The following DOK5 variants were observed in gnomAD, a reference collection of about 807,000 sequenced individuals.
The protein encoded by DOK5 is downstream of tyrosine kinase 5.
Under a neutral mutation model 43.3 loss-of-function variants are expected in DOK5, and 27 were observed. That is an observed-to-expected ratio of 0.62 (90% CI 0.46 to 0.86). DOK5 has a LOEUF of 0.86. DOK5 is among the 40% of genes least tolerant of loss of function. DOK5 has a pLI of 0.00. For missense variants in DOK5, 373 were observed against 392.9 expected (o/e 0.95, Z 0.43); for synonymous variants, 146 against 140.1 (o/e 1.04, Z -0.30).
chr20:54,519,279 A>T (rs1983310732), intron 1 of DOK5, among the ~76,000 whole-genome samples: 1 of 152,220 alleles, frequency 6.6e-6, no homozygotes, highest in African/African-American at 2.4e-5. Flanking sequence ...ATTCAGGTGT[A>T]ATAAAGATTA....
intron 1 of DOK5, among the ~76,000 whole-genome samples, chr20:54,538,139 A>G (rs1984020731): frequency 6.6e-6 from 1 of 151,852 alleles, no homozygotes; most frequent in African/African-American, 2.4e-5. Flanking sequence ...ACTTGGCCAC[A>G]ACAAGAAGTT....
intron 7 of DOK5, among the ~76,000 whole-genome samples, chr20:54,649,818 G>T (rs1171129780): frequency 2.6e-5 from 4 of 152,172 alleles, no homozygotes; most frequent in Non-Finnish European, 4.4e-5. Flanking sequence ...CTCAGTAGTC[G>T]CAATGAGACC....
chr20:54,536,402 G>A (rs1349604304), intron 1 of DOK5, among the ~76,000 whole-genome samples: 3 of 152,314 alleles, frequency 2.0e-5, no homozygotes, highest in East Asian at 3.9e-4. Context: ...GCTTATAAAA[G>A]TATTTACAGG....
intron 5 of DOK5, among the ~76,000 whole-genome samples, chr20:54,592,695 C>T (rs1986014232): frequency 6.6e-6 from 1 of 151,968 alleles, no homozygotes; most frequent in Non-Finnish European, 1.5e-5. Flanking sequence ...TGCCCGCCAC[C>T]ACGCCTCGCT....
intron 4 of DOK5, among the ~76,000 whole-genome samples, chr20:54,590,490 C>CAA (rs1198596431): frequency 6.6e-6 from 1 of 151,470 alleles, no homozygotes; most frequent in African/African-American, 2.4e-5. Context: ...TTAATATAGA[C>CAA]AGTCTTTCTT....
At chr20:54,501,513 A>G (rs1001992886) in intron 1 of DOK5, among the ~76,000 whole-genome samples, 5 of 150,890 alleles carry the variant, frequency 3.3e-5, no homozygotes, top group African/African-American at 4.9e-5. Flanking sequence ...AAAAAGAAAA[A>G]ATAAATCTGG....
intron 1 of DOK5, among the ~76,000 whole-genome samples, chr20:54,530,499 C>T (rs1203824310): frequency 1.3e-5 from 2 of 152,140 alleles, no homozygotes; most frequent in South Asian, 2.1e-4. Context: ...AGGGCTGCTA[C>T]CTGTTTGATT....
At chr20:54,569,845 T>C (rs1985226442) in intron 2 of DOK5, among the ~76,000 whole-genome samples, 1 of 152,258 alleles carries the variant, frequency 6.6e-6, no homozygotes. Flanking sequence ...CGCTAGTCCC[T>C]ATTTTAAGTG....
chr20:54,578,574 G>A (rs983823854), intron 2 of DOK5, among the ~76,000 whole-genome samples: 3 of 152,016 alleles, frequency 2.0e-5, no homozygotes, highest in Non-Finnish European at 4.4e-5. Flanking sequence ...TCGTGTGCAA[G>A]GATATCTAAA....
At chr20:54,532,691 C>T (rs955982397) in intron 1 of DOK5, among the ~76,000 whole-genome samples, 3 of 152,190 alleles carry the variant, frequency 2.0e-5, no homozygotes, top group East Asian at 1.9e-4. Flanking sequence ...TGATCTTCAC[C>T]GTGTCACTTT....
chr20:54,526,685 T>A (rs1983586478), intron 1 of DOK5, among the ~76,000 whole-genome samples: 1 of 152,230 alleles, frequency 6.6e-6, no homozygotes. Flanking sequence ...TGTGTGTTTT[T>A]TTCAGAAATA....
At chr20:54,603,556 T>C (rs1986364989) in intron 5 of DOK5, among the ~76,000 whole-genome samples, 2 of 152,210 alleles carry the variant, frequency 1.3e-5, no homozygotes, top group African/African-American at 4.8e-5. Flanking sequence ...TCTATTTCAA[T>C]GATTTTCAAC....
At chr20:54,574,098 C>A (rs1189039367) in intron 2 of DOK5, among the ~76,000 whole-genome samples, 1 of 152,134 alleles carries the variant, frequency 6.6e-6, no homozygotes, top group East Asian at 1.9e-4. Flanking sequence ...GAAAGGCGAG[C>A]CGGACCGCCT....
intron 6 of DOK5, among the ~76,000 whole-genome samples, chr20:54,640,921 C>T (rs6023441): frequency 0.81 from 123,355 of 152,152 alleles, 50,218 homozygotes; most frequent in East Asian, 1. Context: ...GTAAATCGTT[C>T]TGGATTTTTT....
intron 1 of DOK5, among the ~76,000 whole-genome samples, chr20:54,546,496 C>T (rs1360273865): frequency 2.0e-5 from 3 of 151,746 alleles, no homozygotes; most frequent in Non-Finnish European, 4.4e-5. Context: ...TGTGCTGCAC[C>T]CATTAACTCG....
At chr20:54,586,705 G>C (rs990553486) in intron 2 of DOK5, among the ~76,000 whole-genome samples, 9 of 152,276 alleles carry the variant, frequency 5.9e-5, no homozygotes, top group African/African-American at 2.2e-4. Context: ...GTGTCCAGTG[G>C]GGCCTCTGTG....
At chr20:54,602,343 G>C (rs1411878408) in intron 5 of DOK5, among the ~76,000 whole-genome samples, 1 of 152,118 alleles carries the variant, frequency 6.6e-6, no homozygotes, top group Non-Finnish European at 1.5e-5. Flanking sequence ...TCATGGGAGG[G>C]AGCTGGGATT....
In DOK5 at chr20:54,588,773, T is replaced by G; in HGVS notation, c.376T>G (p.Leu126Val). 6.2e-7 allele frequency: 1 copy of G among 1,614,070 alleles called. No individual in the cohort carries two copies. Among genetic ancestry groups the G allele is most frequent in the Non-Finnish European group, 8.5e-7 (1 of 1,179,946 alleles). The change falls in exon 4 of 8, where the codon TTA becomes GTA. Residue 126 changes from leucine to valine, a missense_variant. Transcript: ENST00000262593. ...INDISLGEPD[L>V]LATGVEREQS... ...TGACATCAGCCTTGGAGAGCCTGAC[T>G]TACTGGCCACTGGGGTTGAGAGAGA...
chr20:54,612,115 T>C (rs960871970), intron 6 of DOK5, among the ~76,000 whole-genome samples: 5 of 152,342 alleles, frequency 3.3e-5, no homozygotes, highest in Non-Finnish European at 7.3e-5. Flanking sequence ...TCAGGAAATA[T>C]TACTCTTCTG....
Sources: allele counts gnomAD v4.1 joint callset (sites outside exome capture counted in the v4.1 genomes callset), GRCh38; gene constraint gnomAD v4.1.1; transcripts MANE v1.5; gene names NCBI Gene and HGNC (gene_info 2026-07-23, HGNC 2026-07-21).